Variants in TPH1 observed in about 807,000 individuals in gnomAD.
The protein encoded by TPH1 is tryptophan hydroxylase 1, also known as tryptophan 5-hydroxylase 1.
Under a neutral mutation model 49.5 loss-of-function variants are expected in TPH1, and 37 were observed. The observed-to-expected ratio is 0.75, with a 90% CI of 0.58 to 0.98. TPH1 has a LOEUF of 0.98. TPH1 is among the 50% of genes least tolerant of loss of function. TPH1 has a pLI of 0.00. For missense variants in TPH1, 487 were observed against 523.6 expected, an observed-to-expected ratio of 0.93 and a Z score of 0.68; for synonymous variants, 160 against 182.1, an observed-to-expected ratio of 0.88 and a Z score of 0.98.
At chr11:18,027,512 T>A (rs1378677499) in intron 6 of TPH1, among the ~76,000 whole-genome samples, 1 of 152,254 alleles carries the variant, frequency 6.6e-6, no homozygotes, top group African/African-American at 2.4e-5. Context: ...AACAACCAAA[T>A]GTTTCTAGTG....
rs755549840 is a variant in TPH1, at chr11:18,040,799, A to C, written c.-26-11T>G. ...AGTAATTCTCTAAAACTAAAGTATG[A>C]AAACAAAGACTACGGGCTAAAAAAG... On this transcript the variant is annotated splice_polypyrimidine_tract_variant and intron_variant, in intron 1 of 10. Transcript: ENST00000682019. The C allele has an allele frequency of 1.9e-6, 3 of 1,604,764 alleles. No homozygotes were observed. The highest frequency in any genetic ancestry group is 3.5e-4 in the Middle Eastern group (2 of 5,670).
At chr11:18,023,493 A>T (rs1452654727) in intron 9 of TPH1, among the ~76,000 whole-genome samples, 1 of 152,086 alleles carries the variant, frequency 6.6e-6, no homozygotes, top group Non-Finnish European at 1.5e-5. Flanking sequence ...ATATACACAT[A>T]CCATTTCATA....
In TPH1 at chr11:18,025,619, C is replaced by G. The variant is rs1241111993; in HGVS notation, c.886G>C (p.Ala296Pro). 1 of 1,613,918 alleles carries G rather than the reference C, an allele frequency of 6.2e-7. No homozygotes were observed. The highest frequency in any genetic ancestry group is 1.3e-5 in the African/African-American group (1 of 74,914). Residue 296 changes from alanine to proline, a missense_variant, in exon 8 of 11, where the codon GCT becomes CCT. Transcript: ENST00000682019. Reference sequence around the variant, plus strand: ...GCCTCCTCTGAAGCGCCAAGAGAAGCCAAGCCAATTTCTTGGGAGAATTGG... The same window carrying G: ...GCCTCCTCTGAAGCGCCAAGAGAAGGCAAGCCAATTTCTTGGGAGAATTGG... ...FAQFSQEIGL[A>P]SLGASEEAVQ...
intron 4 of TPH1, among the ~76,000 whole-genome samples, chr11:18,032,384 G>T (rs1847998749): frequency 6.6e-6 from 1 of 152,012 alleles, no homozygotes; most frequent in Non-Finnish European, 1.5e-5. Flanking sequence ...GATTGCAGAT[G>T]CTGTCTTCGT....
Position 18,040,742 on chromosome 11 carries a change from C to A in TPH1, c.21G>T (p.Glu7Asp). MIEDNK[E>D]NKDHSLERGR... ...CCCTTTCTAAGGAATGGTCTTTGTT[C>A]TCCTTATTGTCTTCAATCATGATGA... Residue 7 changes from glutamate to aspartate, a missense_variant, in exon 2 of 11, where the codon GAG (glutamate) becomes GAT (aspartate). Transcript: ENST00000682019. 1 of 1,612,176 alleles carries A rather than the reference C, an allele frequency of 6.2e-7. No homozygotes were observed. Among genetic ancestry groups the A allele is most frequent in the African/African-American group, 1.3e-5 (1 of 74,962 alleles).
In TPH1 at chr11:18,020,669, G is replaced by A. The variant is rs867554912; in HGVS notation, c.*322C>T. 2 of 297,064 alleles carry A rather than the reference G, an allele frequency of 6.7e-6. No individual in the cohort carries two copies. The highest frequency in any genetic ancestry group is 1.5e-4 in the East Asian group (2 of 13,148). 18.4% of individuals were successfully genotyped at this position (297,064 alleles called of 1,614,324 possible). Reference sequence around the variant, plus strand: ...CTCAAGGAGGATTGGGGAAAATAGAGTTAGGCTGAGATTAGATCTATCTAT... The same window carrying A: ...CTCAAGGAGGATTGGGGAAAATAGAATTAGGCTGAGATTAGATCTATCTAT... On this transcript the variant is annotated 3_prime_UTR_variant, in exon 11 of 11. Transcript: ENST00000682019.
intron 1 of TPH1, among the ~76,000 whole-genome samples, chr11:18,041,862 C>A (rs955724243): frequency 3.3e-5 from 5 of 152,134 alleles, no homozygotes; most frequent in African/African-American, 1.2e-4. Context: ...AATTTCAACC[C>A]AAGCGCATTC....
At chr11:18,029,475 A>G (rs1847962447) in intron 5 of TPH1, 37 bp downstream of exon 5, 7 of 1,572,482 alleles carry the variant, frequency 4.5e-6, no homozygotes, top group Admixed American at 1.7e-5. Flanking sequence ...TTATTTTATT[A>G]TCTCAAAGTT....
chr11:18,039,902 A>G (rs1848083717), intron 2 of TPH1, among the ~76,000 whole-genome samples: 1 of 152,084 alleles, frequency 6.6e-6, no homozygotes, highest in Non-Finnish European at 1.5e-5. Context: ...ATTACCAGAT[A>G]GTTTCCCTAC....
intron 2 of TPH1, among the ~76,000 whole-genome samples, chr11:18,036,449 C>G (rs1349165522): frequency 1.3e-5 from 2 of 152,190 alleles, no homozygotes; most frequent in African/African-American, 4.8e-5. Context: ...TAAGAGGAAT[C>G]TTTTGAAAAT....
chr11:18,032,040 T>A (rs1046020910), intron 4 of TPH1, among the ~76,000 whole-genome samples: 1 of 152,150 alleles, frequency 6.6e-6, no homozygotes, highest in African/African-American at 2.4e-5. Context: ...TCAATAAGAT[T>A]ATAGAATAAT....
intron 4 of TPH1, among the ~76,000 whole-genome samples, chr11:18,030,913 A>C (rs1847982481): frequency 6.6e-6 from 1 of 152,222 alleles, no homozygotes; most frequent in South Asian, 2.1e-4. Context: ...AGGTCCATTA[A>C]GGAGCTTGGA....
chr11:18,028,497 C>T (rs1342325969), intron 6 of TPH1, among the ~76,000 whole-genome samples: 11 of 152,154 alleles, frequency 7.2e-5, no homozygotes, highest in East Asian at 1.9e-4. Flanking sequence ...ACTTTAGAGT[C>T]GCACAGTAAT....
At chr11:18,030,703 G>A (rs187767857) in intron 4 of TPH1, among the ~76,000 whole-genome samples, 3 of 152,120 alleles carry the variant, frequency 2.0e-5, no homozygotes, top group Non-Finnish European at 4.4e-5. Flanking sequence ...CGATTGTGTG[G>A]TTCAGGGAAG....
chr11:18,035,195 A>G (rs972506957), intron 3 of TPH1, among the ~76,000 whole-genome samples: 1 of 152,190 alleles, frequency 6.6e-6, no homozygotes, highest in Non-Finnish European at 1.5e-5. Flanking sequence ...AACATTCTCA[A>G]CAAATTTAAA....
intron 4 of TPH1, among the ~76,000 whole-genome samples, chr11:18,030,753 G>A (rs1847980118): frequency 6.6e-6 from 1 of 152,112 alleles, no homozygotes; most frequent in Non-Finnish European, 1.5e-5. Flanking sequence ...CACAAAAGAA[G>A]AGTGGAAATA....
chr11:18,030,454 G>A (rs2134029207), intron 4 of TPH1, among the ~76,000 whole-genome samples: 1 of 151,570 alleles, frequency 6.6e-6, no homozygotes, highest in African/African-American at 2.4e-5. Context: ...CAAAGCCCAG[G>A]AGAAAAAAAT....
At chr11:18,021,553 A>G (rs968492234) in intron 10 of TPH1, among the ~76,000 whole-genome samples, 2 of 152,148 alleles carry the variant, frequency 1.3e-5, no homozygotes, top group African/African-American at 4.8e-5. Flanking sequence ...ACTTAACCAC[A>G]TAGTAACAGA....
intron 8 of TPH1, among the ~76,000 whole-genome samples, chr11:18,024,791 C>A (rs563608021): frequency 2.8e-4 from 42 of 152,284 alleles, no homozygotes; most frequent in African/African-American, 9.1e-4. Flanking sequence ...AAGCACTATT[C>A]TATTTCACGC....
Sources: allele counts gnomAD v4.1 joint callset (sites outside exome capture counted in the v4.1 genomes callset), GRCh38; gene constraint gnomAD v4.1.1; transcripts MANE v1.5; gene names NCBI Gene and HGNC (gene_info 2026-07-23, HGNC 2026-07-21).